Variants in FOXP1 observed in about 807,000 individuals in gnomAD.
FOXP1 encodes the protein forkhead box protein P1.
In FOXP1, 15 loss-of-function variants were observed where a neutral mutation model predicts 98.2. The ratio of observed to expected loss-of-function variants is 0.15; its 90% CI spans 0.10 to 0.24. FOXP1 has a LOEUF of 0.24. FOXP1 is among the 10% of genes least tolerant of loss of function. The pLI, the probability that FOXP1 is intolerant of heterozygous loss-of-function variation, is 1.00. For missense variants in FOXP1, 633 were observed against 848.5 expected (o/e 0.75, Z 3.15); for synonymous variants, 371 against 314.5 (o/e 1.18, Z -1.90).
intron 2 of FOXP1, among the ~76,000 whole-genome samples, chr3:71,565,205 T>TA (rs1188444692): frequency 1.3e-5 from 2 of 152,080 alleles, no homozygotes; most frequent in African/African-American, 2.4e-5. Context: ...TGTTAGGGGT[T>TA]AAAAAAAGGA....
intron 5 of FOXP1, among the ~76,000 whole-genome samples, chr3:71,287,005 A>G (rs946971326): frequency 6.6e-6 from 1 of 152,240 alleles, no homozygotes; most frequent in Non-Finnish European, 1.5e-5. Flanking sequence ...CACCAGTTGC[A>G]GGTATAGAAA....
At chr3:71,524,353 A>G (rs1332422371) in intron 2 of FOXP1, among the ~76,000 whole-genome samples, 2 of 152,090 alleles carry the variant, frequency 1.3e-5, no homozygotes, top group Non-Finnish European at 2.9e-5. Flanking sequence ...CCATAGTGAG[A>G]CTGTCTCAAA....
In FOXP1 at chr3:71,276,955, C is replaced by CTTT. The variant is rs34014285; in HGVS notation, c.-12+22862_-12+22864dup. Among the ~76,000 whole-genome samples, 123 of 129,462 alleles carry CTTT rather than the reference C, an allele frequency of 9.5e-4. 1 individual carries two copies. In the East Asian group the frequency reaches 0.013, roughly 13 times the overall value. The allele number at this position is 129,462 out of a possible 152,430, so 84.9% of individuals were successfully genotyped here. A position where few individuals can be genotyped will look rare whatever the true frequency, so the allele number is the denominator to read the frequency against. ...CTGTTCTACTTTTTAAGTAGATCAA[C>CTTT]TTTTTTTTTTTTTTTTTTTTAGAGA... On this transcript the variant is annotated intron_variant, in intron 5 of 20. Transcript: ENST00000649528.
chr3:70,978,125 A>C, intron 14 of FOXP1, 96 bp from the exon 15 acceptor site: 1 of 968,826 alleles, frequency 1.0e-6, no homozygotes, highest in East Asian at 2.4e-5. Flanking sequence ...ATGCGTGGGC[A>C]CCGTTTCTTC....
At chr3:70,966,281 C>T (rs1212158802) in intron 19 of FOXP1, 8 of 564,720 alleles carry the variant, frequency 1.4e-5, no homozygotes, top group Non-Finnish European at 2.2e-5. Flanking sequence ...GGACCAAGTG[C>T]CTGTGGGTAG....
At chr3:71,427,912 G>A (rs1254967483) in intron 3 of FOXP1, among the ~76,000 whole-genome samples, 2 of 151,628 alleles carry the variant, frequency 1.3e-5, no homozygotes, top group African/African-American at 4.9e-5. Context: ...AGGTCAGGGG[G>A]GATTCTTTGT....
At chr3:70,985,429 T>C (rs965471037) in intron 14 of FOXP1, among the ~76,000 whole-genome samples, 1 of 152,170 alleles carries the variant, frequency 6.6e-6, no homozygotes. Flanking sequence ...TGCAAAACAT[T>C]ACACGTCTAC....
At chr3:71,164,327 G>A (rs2061298889) in intron 6 of FOXP1, among the ~76,000 whole-genome samples, 1 of 152,108 alleles carries the variant, frequency 6.6e-6, no homozygotes, top group South Asian at 2.1e-4. Context: ...AGCCTCCGGA[G>A]TAGCTGGGAC....
At chr3:71,067,443 G>A (rs72947421) in intron 7 of FOXP1, among the ~76,000 whole-genome samples, 8,613 of 152,114 alleles carry the variant, frequency 0.057, 425 homozygotes, top group African/African-American at 0.11. Flanking sequence ...GTGAGCACCA[G>A]GTCATTTTAG....
In FOXP1 at chr3:71,465,324, A is replaced by AAAG. The variant is rs398052612; in HGVS notation, c.-168+28099_-168+28101dup. 4.6e-3 allele frequency among the ~76,000 whole-genome samples: 314 copies of AAAG among 67,716 alleles called. 3 individuals are homozygous for AAAG. The highest frequency in any genetic ancestry group is 0.015 in the South Asian group (38 of 2,512). 44.4% of individuals were successfully genotyped at this position (67,716 alleles called of 152,430 possible). A position where few individuals can be genotyped will look rare whatever the true frequency, so the allele number is the denominator to read the frequency against. ...CTCTGTCTCAGAAAAAAAAAAAAAA[A>AAAG]AAGAAGAAGAAGAAGAAGAAGAAGA... On this transcript the variant is annotated intron_variant, in intron 3 of 20. Transcript: ENST00000649528.
At chr3:70,973,628 T>TG (rs1326703102) in intron 17 of FOXP1, among the ~76,000 whole-genome samples, 1 of 152,084 alleles carries the variant, frequency 6.6e-6, no homozygotes, top group Non-Finnish European at 1.5e-5. Context: ...CTGGTTAAAC[T>TG]TACGGATCCA....
chr3:71,177,840 C>CTTTTTTTTTT (rs397704711), intron 6 of FOXP1, among the ~76,000 whole-genome samples: 14 of 114,938 alleles, frequency 1.2e-4, no homozygotes, highest in African/African-American at 2.8e-4. Flanking sequence ...TTCTTTCTTT[C>CTTTTTTTTTT]TTTTTTTTTT....
At chr3:70,966,291 G>A (rs1173328716) in intron 19 of FOXP1, 2 of 547,056 alleles carry the variant, frequency 3.7e-6, no homozygotes, top group African/African-American at 3.8e-5. Context: ...CCTGTGGGTA[G>A]GAAGGACTCA....
At chr3:71,257,442 G>A (rs781777975) in intron 5 of FOXP1, among the ~76,000 whole-genome samples, 69 of 151,948 alleles carry the variant, frequency 4.5e-4, no homozygotes, top group Non-Finnish European at 7.5e-4. Context: ...AAAAATAGCC[G>A]AGGGTGGTGG....
At chr3:71,290,727 A>G (rs2072659434) in intron 5 of FOXP1, among the ~76,000 whole-genome samples, 1 of 152,184 alleles carries the variant, frequency 6.6e-6, no homozygotes, top group African/African-American at 2.4e-5. Context: ...ATATTCTGCA[A>G]TCAAAAGTGC....
intron 6 of FOXP1, among the ~76,000 whole-genome samples, chr3:71,125,038 G>A (rs2059061000): frequency 6.6e-6 from 1 of 152,188 alleles, no homozygotes; most frequent in African/African-American, 2.4e-5. Context: ...TGAGAATCCT[G>A]GCTCTTTCCA....
At chr3:71,487,687 C>G (rs2090757858) in intron 3 of FOXP1, among the ~76,000 whole-genome samples, 1 of 152,146 alleles carries the variant, frequency 6.6e-6, no homozygotes, top group African/African-American at 2.4e-5. Context: ...CTAATTTAGC[C>G]AAAAGGTTTG....
At chr3:71,308,115 G>A (rs553272872) in intron 4 of FOXP1, among the ~76,000 whole-genome samples, 4 of 151,560 alleles carry the variant, frequency 2.6e-5, no homozygotes, top group East Asian at 3.9e-4. Context: ...TCACACAAGC[G>A]CCACTCGCTG....
intron 7 of FOXP1, among the ~76,000 whole-genome samples, chr3:71,060,691 A>G (rs1294181021): frequency 2.0e-5 from 3 of 152,212 alleles, no homozygotes; most frequent in African/African-American, 7.2e-5. Flanking sequence ...GAAGTACAAA[A>G]TAACAAGCCC....
Sources: gnomAD v4.1 joint callset for allele counts (sites outside exome capture counted in the v4.1 genomes callset) on GRCh38, gnomAD v4.1.1 for gene constraint, MANE v1.5 for transcripts, NCBI Gene and HGNC (gene_info 2026-07-23, HGNC 2026-07-21) for gene names.